PGM5: variants seen among roughly 807,000 people sequenced by gnomAD.
PGM5 encodes the protein phosphoglucomutase 5.
Under a neutral mutation model 59.2 loss-of-function variants are expected in PGM5, and 23 were observed. The observed-to-expected ratio is 0.39, with a 90% CI of 0.28 to 0.55. PGM5 has a LOEUF of 0.55. Ranked by LOEUF, PGM5 falls within the 20% of genes least tolerant of loss-of-function variation. The pLI, the probability that PGM5 is intolerant of heterozygous loss-of-function variation, is 0.66. For missense variants in PGM5, 574 were observed against 748.3 expected (o/e 0.77, Z 2.72); for synonymous variants, 214 against 286.0 (o/e 0.75, Z 2.54).
At chr9:68,416,477 C>T (rs1354047298) in intron 6 of PGM5, among the ~76,000 whole-genome samples, 2 of 152,126 alleles carry the variant, frequency 1.3e-5, no homozygotes, top group Admixed American at 1.3e-4. Flanking sequence ...TCTCTTCTTC[C>T]CTACCTGTGT....
chr9:68,493,524 G>A (rs1824434109), intron 9 of PGM5, among the ~76,000 whole-genome samples: 1 of 152,174 alleles, frequency 6.6e-6, no homozygotes, highest in Non-Finnish European at 1.5e-5. Context: ...ACGTTACCTT[G>A]AGCAAGTGTT....
chr9:68,479,918 G>GT (rs1367962323), intron 8 of PGM5, among the ~76,000 whole-genome samples: 2 of 136,408 alleles, frequency 1.5e-5, no homozygotes, highest in Non-Finnish European at 3.1e-5. Flanking sequence ...GCGAGACTCC[G>GT]TCTCAAAAAA....
chr9:68,410,702 C>T (rs1244986735), intron 6 of PGM5, among the ~76,000 whole-genome samples: 4 of 152,100 alleles, frequency 2.6e-5, no homozygotes, highest in African/African-American at 9.7e-5. Context: ...AGTGGGCAAA[C>T]CTCTGAGGCC....
intron 7 of PGM5, among the ~76,000 whole-genome samples, chr9:68,474,542 A>G (rs1824072731): frequency 6.6e-6 from 1 of 151,156 alleles, no homozygotes; most frequent in African/African-American, 2.4e-5. Context: ...ATTTGAGTGG[A>G]GGGGGAACAG....
intron 6 of PGM5, among the ~76,000 whole-genome samples, chr9:68,449,370 TG>T (rs1486602443): frequency 6.6e-6 from 1 of 152,212 alleles, no homozygotes; most frequent in Non-Finnish European, 1.5e-5. Flanking sequence ...CACCAAGCCC[TG>T]GAGGGCAAAA....
chr9:68,516,865 GTTTTGTT>G (rs1014275301), intron 10 of PGM5, among the ~76,000 whole-genome samples: 6 of 151,824 alleles, frequency 4.0e-5, no homozygotes, highest in Non-Finnish European at 5.9e-5. Flanking sequence ...TTTTTGTTTT[GTTTTGTT>G]TTTTGTTTTT....
chr9:68,439,532 A>G (rs1554683552), intron 6 of PGM5, among the ~76,000 whole-genome samples: 1 of 147,348 alleles, frequency 6.8e-6, no homozygotes, highest in Non-Finnish European at 1.5e-5. Flanking sequence ...TATAACATAT[A>G]TATATATGAC....
At chr9:68,420,959 T>C (rs1343306255) in intron 6 of PGM5, among the ~76,000 whole-genome samples, 2 of 152,230 alleles carry the variant, frequency 1.3e-5, no homozygotes, top group Non-Finnish European at 2.9e-5. Context: ...GGTGTTATGA[T>C]GATCATAGAT....
rs72293391 is a variant in PGM5, at chr9:68,484,541, AACACACAC to A, written c.1479+523_1479+530del. Among the ~76,000 whole-genome samples, 333 of 132,328 alleles carry A rather than the reference AACACACAC, an allele frequency of 2.5e-3. 1 individual carries two copies. Among genetic ancestry groups the A allele is most frequent in the Non-Finnish European group, 4.1e-3 (261 of 63,222 alleles). 86.8% of individuals were successfully genotyped at this position (132,328 alleles called of 152,430 possible). A position where few individuals can be genotyped will look rare whatever the true frequency, so the allele number is the denominator to read the frequency against. ...GGAGACAAAGTGAGACCATGTCTCA[AACACACAC>A]ACACACACACACACACACACACACA... On this transcript the variant is annotated intron_variant, in intron 9 of 10. Transcript: ENST00000396396.
At chr9:68,376,228 A>G (rs1369483727) in intron 1 of PGM5, among the ~76,000 whole-genome samples, 5 of 152,220 alleles carry the variant, frequency 3.3e-5, no homozygotes, top group African/African-American at 9.6e-5. Context: ...AAACCTTTCA[A>G]TGGATTCTGG....
At chr9:68,499,587 A>C (rs781910309) in intron 10 of PGM5, among the ~76,000 whole-genome samples, 2 of 152,234 alleles carry the variant, frequency 1.3e-5, no homozygotes, top group Non-Finnish European at 2.9e-5. Context: ...TTAGACCAGC[A>C]TTTCCCAAAC....
At position 68,398,532 on chromosome 9, in the gene PGM5, G is replaced by A. The variant is rs115453692; in HGVS notation, c.1043+6059G>A. ...GTCAGGGTGACCACAGCCTAGTGAG[G>A]TCTGGAGTTGTGAAAAGTGGGCTGT... On this transcript the variant is annotated intron_variant, in intron 6 of 10. Coordinates refer to ENST00000396396, the MANE Select transcript of PGM5 (RefSeq NM_021965.4). 3.9e-5 allele frequency: 6 copies of A among 152,264 alleles called. No individual in the cohort carries two copies. The South Asian group carries it at 8.3e-4, about 21-fold the overall frequency. The allele number at this position is 152,264 out of a possible 1,614,324, so 9.4% of individuals were successfully genotyped here.
chr9:68,474,591 G>C (rs1824074917), intron 7 of PGM5, among the ~76,000 whole-genome samples: 1 of 151,314 alleles, frequency 6.6e-6, no homozygotes, highest in Admixed American at 6.6e-5. Context: ...CTTCTTTTTT[G>C]TACCAGTTTT....
In PGM5 at chr9:68,498,026, A is replaced by C. The variant is rs551567298; in HGVS notation, c.1480-1201A>C. Reference sequence around the variant, plus strand: ...ACCCCACTCTGGTGGTCAGGCCAAAAAAGAAGTCAGGTAAGAAGTGTGAAA... The same window carrying C: ...ACCCCACTCTGGTGGTCAGGCCAAACAAGAAGTCAGGTAAGAAGTGTGAAA... On this transcript the variant is annotated intron_variant, in intron 9 of 10. Coordinates refer to ENST00000396396, the MANE Select transcript of PGM5 (RefSeq NM_021965.4). 126 of 152,392 alleles carry C rather than the reference A, an allele frequency of 8.3e-4. 1 individual carries two copies. Among genetic ancestry groups the C allele is most frequent in the African/African-American group, 2.8e-3 (118 of 41,586 alleles). The allele number at this position is 152,392 out of a possible 1,614,324, so 9.4% of individuals were successfully genotyped here. A position where few individuals can be genotyped will look rare whatever the true frequency, so the allele number is the denominator to read the frequency against.
intron 2 of PGM5, among the ~76,000 whole-genome samples, chr9:68,383,709 T>A (rs1156356018): frequency 5.1e-5 from 3 of 58,438 alleles, no homozygotes; most frequent in Non-Finnish European, 1.1e-4. Context: ...AAAAAAAAAA[T>A]CTGAAATGGC....
chr9:68,371,348 G>A (rs1352167765), intron 1 of PGM5, among the ~76,000 whole-genome samples: 1 of 152,204 alleles, frequency 6.6e-6, no homozygotes, highest in African/African-American at 2.4e-5. Flanking sequence ...GGATAATTAT[G>A]TAAGTAGACC....
intron 1 of PGM5, among the ~76,000 whole-genome samples, chr9:68,370,538 T>G (rs1821666008): frequency 6.6e-6 from 1 of 152,212 alleles, no homozygotes; most frequent in African/African-American, 2.4e-5. Flanking sequence ...AAGCTGTTGA[T>G]GTTCTGAAGA....
chr9:68,494,444 G>A (rs926593242), intron 9 of PGM5, among the ~76,000 whole-genome samples: 2 of 152,196 alleles, frequency 1.3e-5, no homozygotes, highest in African/African-American at 2.4e-5. Flanking sequence ...CCAGTCACTT[G>A]ATAGATGAGG....
At chr9:68,493,192 C>T (rs1554687989) in intron 9 of PGM5, among the ~76,000 whole-genome samples, 2 of 152,172 alleles carry the variant, frequency 1.3e-5, no homozygotes, top group African/African-American at 4.8e-5. Flanking sequence ...GTCCTACAGT[C>T]TCCAAACTAA....
Sources: allele counts gnomAD v4.1 joint callset (sites outside exome capture counted in the v4.1 genomes callset), GRCh38; gene constraint gnomAD v4.1.1; transcripts MANE v1.5; gene names NCBI Gene and HGNC (gene_info 2026-07-23, HGNC 2026-07-21).